SNX29: variants seen among roughly 807,000 people sequenced by gnomAD.
SNX29 encodes sorting nexin-29.
In SNX29, 78 loss-of-function variants were observed where a neutral mutation model predicts 102.1. That is an observed-to-expected ratio of 0.76 (90% CI 0.64 to 0.92). The LOEUF is 0.92. SNX29 is among the 40% of genes least tolerant of loss of function. SNX29 has a pLI of 0.00. For missense variants in SNX29, 1,280 were observed against 1,061.7 expected (o/e 1.21, Z -2.86); for synonymous variants, 580 against 414.5 (o/e 1.40, Z -4.85).
chr16:12,374,115 C>T (rs1233071175), intron 16 of SNX29, among the ~76,000 whole-genome samples: 2 of 152,230 alleles, frequency 1.3e-5, no homozygotes, highest in East Asian at 1.9e-4. Context: ...ACCACTTCTC[C>T]CCACTGGATG....
chr16:12,541,119 G>A (rs753096262), intron 20 of SNX29, among the ~76,000 whole-genome samples: 5 of 152,178 alleles, frequency 3.3e-5, no homozygotes, highest in Middle Eastern at 3.4e-3. Context: ...TGACTTGGAG[G>A]GGAGACACAG....
chr16:12,235,708 A>G (rs1183532627), intron 14 of SNX29, among the ~76,000 whole-genome samples: 1 of 152,116 alleles, frequency 6.6e-6, no homozygotes, highest in East Asian at 1.9e-4. Flanking sequence ...CATTTTTTTT[A>G]TTGAAAGGAA....
chr16:12,007,083 T>C (rs1216140374), intron 3 of SNX29, among the ~76,000 whole-genome samples: 2 of 152,348 alleles, frequency 1.3e-5, no homozygotes, highest in East Asian at 3.9e-4. Flanking sequence ...AAAAAAATTA[T>C]TCTCCTCTAC....
At chr16:12,129,854 C>T (rs1303172099) in intron 13 of SNX29, 96 bp downstream of exon 13, 84 of 1,418,636 alleles carry the variant, frequency 5.9e-5, no homozygotes, top group Admixed American at 2.9e-4. Context: ...CCTGTAATCC[C>T]AGCACTTTGG....
chr16:12,360,588 A>G (rs1231553864), intron 16 of SNX29, among the ~76,000 whole-genome samples: 1 of 152,140 alleles, frequency 6.6e-6, no homozygotes, highest in African/African-American at 2.4e-5. Flanking sequence ...TGGAGGTGCG[A>G]GTTCACACCA....
At chr16:12,229,991 C>G (rs1245112050) in intron 14 of SNX29, among the ~76,000 whole-genome samples, 1 of 152,194 alleles carries the variant, frequency 6.6e-6, no homozygotes, top group African/African-American at 2.4e-5. Context: ...GGGTCTCTGT[C>G]ACAACTGCTC....
intron 15 of SNX29, among the ~76,000 whole-genome samples, chr16:12,324,600 G>C (rs1319357515): frequency 6.6e-6 from 1 of 151,986 alleles, no homozygotes; most frequent in African/African-American, 2.4e-5. Flanking sequence ...ATTGTACTGG[G>C]TGAGCAAAAC....
chr16:12,424,023 G>T (rs1056210775), intron 18 of SNX29, among the ~76,000 whole-genome samples: 1 of 152,242 alleles, frequency 6.6e-6, no homozygotes, highest in Non-Finnish European at 1.5e-5. Context: ...ATTCTGAGCT[G>T]GTTGGCCAGA....
intron 19 of SNX29, among the ~76,000 whole-genome samples, chr16:12,482,674 A>G (rs1163918262): frequency 6.6e-6 from 1 of 152,244 alleles, no homozygotes; most frequent in Non-Finnish European, 1.5e-5. Context: ...TGCAGAATCC[A>G]TAGACCTAGA....
At chr16:12,106,990 AT>A (rs1439532471) in intron 11 of SNX29, among the ~76,000 whole-genome samples, 1 of 149,522 alleles carries the variant, frequency 6.7e-6, no homozygotes, top group Non-Finnish European at 1.5e-5. Context: ...TAATTTTGAA[AT>A]TTTTTTTGTA....
chr16:12,183,999 A>G (rs1380005404), intron 13 of SNX29, among the ~76,000 whole-genome samples: 1 of 152,228 alleles, frequency 6.6e-6, no homozygotes, highest in African/African-American at 2.4e-5. Flanking sequence ...AATAACCATG[A>G]CAATGGGCCA....
At chr16:12,120,450 C>G (rs943254963) in intron 11 of SNX29, among the ~76,000 whole-genome samples, 3 of 152,242 alleles carry the variant, frequency 2.0e-5, no homozygotes, top group Non-Finnish European at 4.4e-5. Flanking sequence ...GTCACCCTGT[C>G]TAGTCATCGC....
intron 19 of SNX29, among the ~76,000 whole-genome samples, chr16:12,486,160 C>G (rs998684987): frequency 1.3e-5 from 2 of 152,202 alleles, no homozygotes; most frequent in East Asian, 3.9e-4. Flanking sequence ...TGGCCCCTTC[C>G]TCTGTCTTCC....
intron 16 of SNX29, among the ~76,000 whole-genome samples, chr16:12,386,119 C>T (rs780724129): frequency 6.6e-6 from 1 of 152,236 alleles, no homozygotes; most frequent in Non-Finnish European, 1.5e-5. Context: ...CTTCTTTCCT[C>T]ACCCTCAGGC....
chr16:12,524,193 A>T (rs891109766), intron 19 of SNX29, among the ~76,000 whole-genome samples: 1 of 152,154 alleles, frequency 6.6e-6, no homozygotes, highest in African/African-American at 2.4e-5. Context: ...TTGTTTATTA[A>T]TAAAACCTCT....
intron 18 of SNX29, among the ~76,000 whole-genome samples, chr16:12,429,568 C>T (rs2151621874): frequency 6.6e-6 from 1 of 152,276 alleles, no homozygotes; most frequent in Non-Finnish European, 1.5e-5. Context: ...TGTACTTGGC[C>T]CTGCATCTGC....
At chr16:12,543,116 G>C (rs139990991) in intron 20 of SNX29, among the ~76,000 whole-genome samples, 2 of 152,156 alleles carry the variant, frequency 1.3e-5, no homozygotes, top group African/African-American at 4.8e-5. Flanking sequence ...TGGCAGCTGC[G>C]TATCTTATAG....
chr16:12,443,224 G>A (rs149528105), intron 18 of SNX29: 30 of 329,242 alleles, frequency 9.1e-5, no homozygotes, highest in African/African-American at 4.3e-4. Context: ...ATGGCATTGC[G>A]GCACTGAGAC....
At chr16:12,315,668 T>C (rs1223830839) in intron 15 of SNX29, among the ~76,000 whole-genome samples, 1 of 152,244 alleles carries the variant, frequency 6.6e-6, no homozygotes, top group African/African-American at 2.4e-5. Context: ...TGCTGGCACC[T>C]TGATCTTGGA....
Sources: allele counts gnomAD v4.1 joint callset (sites outside exome capture counted in the v4.1 genomes callset), GRCh38; gene constraint gnomAD v4.1.1; transcripts MANE v1.5; gene names NCBI Gene and HGNC (gene_info 2026-07-23, HGNC 2026-07-21).